Variants in CBLIF observed in about 807,000 individuals in gnomAD.
CBLIF encodes gastric intrinsic factor (vitamin B synthesis).
In CBLIF, 24 loss-of-function variants were observed where a neutral mutation model predicts 44.9. The observed-to-expected ratio is 0.53, with a 90% confidence interval of 0.39 to 0.75. The LOEUF is 0.75. CBLIF is among the 30% of genes least tolerant of loss of function. The pLI, the probability that CBLIF is intolerant of heterozygous loss-of-function variation, is 0.00. For missense variants in CBLIF, 481 were observed against 513.0 expected, an observed-to-expected ratio of 0.94 and a Z score of 0.60; for synonymous variants, 183 against 190.9, an observed-to-expected ratio of 0.96 and a Z score of 0.34.
chr11:59,839,109 A>G (rs1233355912), intron 5 of CBLIF, among the ~76,000 whole-genome samples: 3 of 152,126 alleles, frequency 2.0e-5, no homozygotes, highest in Non-Finnish European at 4.4e-5. Flanking sequence ...TCGTCCTCCC[A>G]AAGTGCTGGG....
Position 59,845,494 on chromosome 11 carries a change from A to G in CBLIF, c.-41T>C, listed in dbSNP as rs1478879859. 7.9e-7 allele frequency: 1 copy of G among 1,258,942 alleles called. No individual in the cohort carries two copies. Among genetic ancestry groups the G allele is most frequent in the Admixed American group, 1.7e-5 (1 of 59,580 alleles). The allele number at this position is 1,258,942 out of a possible 1,614,324, so 78.0% of individuals were successfully genotyped here. The stretch of plus-strand genomic sequence containing the variant: ...ATGTCTCTCATCCACAGGTACCGCG[A>G]TTTGCAAGTGGAATATTTCTTTACC... On this transcript the variant is annotated 5_prime_UTR_variant, in exon 1 of 9. Coordinates refer to ENST00000257248, the MANE Select transcript of CBLIF (RefSeq NM_005142.3).
rs149310286 is a variant in CBLIF at position 59,831,308 on chromosome 11, G to C, written c.1192+370C>G. Reference sequence around the variant, plus strand: ...AGCATAAATTTTGAGTGAAACTTTTGTACAAAGCACATTTGTCCTAGAGTT... The same window carrying C: ...AGCATAAATTTTGAGTGAAACTTTTCTACAAAGCACATTTGTCCTAGAGTT... On this transcript the variant is annotated intron_variant, in intron 8 of 8. Transcript: ENST00000257248. 6.6e-3 allele frequency among the ~76,000 whole-genome samples: 1,010 copies of C among 151,996 alleles called. 6 individuals carry two copies. Among genetic ancestry groups the C allele is most frequent in the Non-Finnish European group, 0.012 (811 of 67,964 alleles).
At chr11:59,835,302 C>A (rs1250121250) in intron 7 of CBLIF, among the ~76,000 whole-genome samples, 2 of 152,024 alleles carry the variant, frequency 1.3e-5, no homozygotes, top group Non-Finnish European at 2.9e-5. Context: ...CGTGCCACCA[C>A]GCCTGGCTAA....
intron 8 of CBLIF, among the ~76,000 whole-genome samples, chr11:59,831,095 A>G (rs1866367812): frequency 6.6e-6 from 1 of 152,250 alleles, no homozygotes; most frequent in Non-Finnish European, 1.5e-5. Flanking sequence ...GACCAAAACC[A>G]TACAGCAATG....
At chr11:59,840,967 T>G in intron 5 of CBLIF, 176 bp downstream of exon 5, 2 of 653,206 alleles carry the variant, frequency 3.1e-6, no homozygotes, top group Non-Finnish European at 2.8e-6. Context: ...AGGGAGGAAT[T>G]AACACTTACC....
At chr11:59,839,906 TC>T (rs1402876692) in intron 5 of CBLIF, among the ~76,000 whole-genome samples, 2 of 147,226 alleles carry the variant, frequency 1.4e-5, no homozygotes, top group Non-Finnish European at 3.0e-5. Context: ...AAAAAAAAAA[TC>T]CCCAAACCAT....
intron 3 of CBLIF, 61 bp downstream of exon 3, chr11:59,842,967 T>G: frequency 8.6e-6 from 9 of 1,050,184 alleles, no homozygotes; most frequent in Non-Finnish European, 1.0e-5. Context: ...CCTTTCTGGG[T>G]TTAAAATTCT....
intron 5 of CBLIF, among the ~76,000 whole-genome samples, chr11:59,840,108 A>T (rs577617762): frequency 1.3e-3 from 197 of 147,348 alleles, no homozygotes; most frequent in Admixed American, 3.1e-3. Flanking sequence ...TGAAGTGGAA[A>T]TTTTTTTTTT....
chr11:59,831,088 C>T (rs1485779994), intron 8 of CBLIF, among the ~76,000 whole-genome samples: 1 of 152,166 alleles, frequency 6.6e-6, no homozygotes, highest in Non-Finnish European at 1.5e-5. Context: ...ATGCTTAGAC[C>T]AAAACCATAC....
chr11:59,834,802 T>C (rs1049426253), intron 7 of CBLIF, among the ~76,000 whole-genome samples: 8 of 152,178 alleles, frequency 5.3e-5, no homozygotes, highest in African/African-American at 1.9e-4. Context: ...GACCCTTTAA[T>C]CAATAGTTTT....
At chr11:59,844,739 C>T (rs1227385165) in intron 1 of CBLIF, among the ~76,000 whole-genome samples, 1 of 152,086 alleles carries the variant, frequency 6.6e-6, no homozygotes, top group Non-Finnish European at 1.5e-5. Flanking sequence ...TCAGTGAGTA[C>T]CAAAATCTCT....
rs767220489 is a variant in CBLIF at position 59,842,485 on chromosome 11, A to T, written c.469T>A (p.Phe157Ile). 18 of 1,613,896 alleles carry T rather than the reference A, an allele frequency of 1.1e-5. No homozygotes were observed. In the South Asian group the frequency reaches 2.0e-4, roughly 18 times the overall value. Residue 157 changes from phenylalanine to isoleucine, a missense_variant, in exon 4 of 9, where the codon TTT becomes ATT. By Grantham distance (21) the Phe-to-Ile change is conservative (BLOSUM62 0). Transcript: ENST00000257248. ...SEATLPIAVR[F>I]AKTLLANSSP... ...GAGTTGGCCAGCAGGGTCTTGGCAA[A>T]GCGGACGGCTATCGGCAAGGTCGCC... is the stretch of plus-strand genomic sequence containing the variant.
At chr11:59,836,308 C>T (rs149669445) in intron 6 of CBLIF, among the ~76,000 whole-genome samples, 56 of 152,040 alleles carry the variant, frequency 3.7e-4, no homozygotes, top group East Asian at 1.2e-3. Flanking sequence ...TTGAGATAGA[C>T]GAGAAACTTA....
intron 7 of CBLIF, among the ~76,000 whole-genome samples, 159 bp from the exon 8 acceptor site, chr11:59,831,955 T>C (rs745602016): frequency 1.4e-4 from 22 of 152,214 alleles, no homozygotes; most frequent in Non-Finnish European, 2.2e-4. Context: ...TCCTAGCTTA[T>C]GGCAGCCTCA....
chr11:59,834,868 T>A (rs868811846), intron 7 of CBLIF, among the ~76,000 whole-genome samples: 14 of 152,300 alleles, frequency 9.2e-5, no homozygotes, highest in Middle Eastern at 3.4e-3. Context: ...TTGGTGTGGG[T>A]CCGTGTATCC....
At position 59,835,966 on chromosome 11, in the gene CBLIF, G is replaced by A; in HGVS notation, c.915C>T (p.Gly305=). ...QPTLPSNPGP[G]PTSASNITVI... Reference sequence around the variant, plus strand: ...CAGTGATGTTAGATGCAGAGGTGGGGCCAGGGCCAGGGTTGCTGGGTAGAG... The same window carrying A: ...CAGTGATGTTAGATGCAGAGGTGGGACCAGGGCCAGGGTTGCTGGGTAGAG... The change falls in exon 7 of 9, where the codon GGC becomes GGT. Residue 305 remains glycine, a synonymous_variant. Transcript: ENST00000257248. 1 of 1,614,098 alleles carries A rather than the reference G, an allele frequency of 6.2e-7. No individual in the cohort carries two copies. The highest frequency in any genetic ancestry group is 1.1e-5 in the South Asian group (1 of 91,082).
chr11:59,839,233 G>A (rs1246109097), intron 5 of CBLIF, among the ~76,000 whole-genome samples: 1 of 152,184 alleles, frequency 6.6e-6, no homozygotes, highest in African/African-American at 2.4e-5. Context: ...GAGAAGTTCT[G>A]GAACAGAGGA....
At chr11:59,832,764 T>C (rs1419865996) in intron 7 of CBLIF, among the ~76,000 whole-genome samples, 1 of 152,164 alleles carries the variant, frequency 6.6e-6, no homozygotes, top group East Asian at 1.9e-4. Context: ...TGAAAATGAA[T>C]GGATTTTGAA....
In CBLIF at chr11:59,843,859, G is replaced by A. The variant is rs1460973661; in HGVS notation, c.256+20C>T. On this transcript the variant is annotated intron_variant, in intron 2 of 8. Coordinates refer to ENST00000257248, the MANE Select transcript of CBLIF (RefSeq NM_005142.3). ...GATGTGTGAGATTCAGGGAGAGTGC[G>A]AGCGGCTCAGATGTCTCACCGTTGT... 5.0e-6 allele frequency: 8 copies of A among 1,591,770 alleles called. No homozygotes were observed. The highest frequency in any genetic ancestry group is 4.4e-5 in the South Asian group (4 of 90,566).
Sources: gnomAD v4.1 joint callset for allele counts (sites outside exome capture counted in the v4.1 genomes callset) on GRCh38, gnomAD v4.1.1 for gene constraint, MANE v1.5 for transcripts, NCBI Gene and HGNC (gene_info 2026-07-23, HGNC 2026-07-21) for gene names.